The following KPNA7 variants were observed in gnomAD, a reference collection of about 807,000 sequenced individuals.
KPNA7 encodes importin subunit alpha-8.
A neutral mutation model predicts 53.7 loss-of-function variants in KPNA7; 54 were observed. The ratio of observed to expected loss-of-function variants is 1.01; its 90% confidence interval spans 0.81 to 1.26. KPNA7 has a LOEUF of 1.26. Ranked by LOEUF, KPNA7 falls within the 50% of genes most tolerant of loss-of-function variation. The pLI is 0.00. For missense variants in KPNA7, 640 were observed against 644.5 expected, an observed-to-expected ratio of 0.99 and a Z score of 0.07; for synonymous variants, 276 against 259.3, an observed-to-expected ratio of 1.06 and a Z score of -0.62.
At chr7:99,209,210 A>G (rs1790974722), upstream of KPNA7, among the ~76,000 whole-genome samples, 1 of 151,944 alleles carries the variant, frequency 6.6e-6, no homozygotes, top group East Asian at 1.9e-4. Flanking sequence ...TAAATCAGGC[A>G]TATGTACAGG....
chr7:99,176,770 T>C (rs1798923032), intron 10 of KPNA7, among the ~76,000 whole-genome samples: 1 of 152,116 alleles, frequency 6.6e-6, no homozygotes, highest in Non-Finnish European at 1.5e-5. Flanking sequence ...TCCCAGCTAC[T>C]TGGGAGCCTG....
intron 5 of KPNA7, among the ~76,000 whole-genome samples, chr7:99,194,582 T>C (rs903320092): frequency 6.6e-6 from 1 of 152,136 alleles, no homozygotes; most frequent in Non-Finnish European, 1.5e-5. Flanking sequence ...AGCTTCAATA[T>C]TTGGCCTCTA....
the KPNA7 span, among the ~76,000 whole-genome samples, chr7:99,161,994 CA>C: frequency 6.6e-6 from 1 of 150,652 alleles, no homozygotes. Flanking sequence ...CAGGAAAAAA[CA>C]GCAGATAAGT....
chr7:99,163,964 T>C, the KPNA7 span, among the ~76,000 whole-genome samples: 74,766 of 151,464 alleles, frequency 0.49, 21,355 homozygotes, highest in East Asian at 0.65. Flanking sequence ...GTTAGAATGG[T>C]GATCATTAAA....
chr7:99,206,399 T>A lies in KPNA7; in HGVS notation c.66+1002A>T, dbSNP rs556542765. Among the ~76,000 whole-genome samples, 5 of 152,136 alleles carry A rather than the reference T, an allele frequency of 3.3e-5. No individual in the cohort carries two copies. In the South Asian group the frequency reaches 1.0e-3, roughly 32 times the overall value. The stretch of plus-strand genomic sequence containing the variant: ...CTGGTCTCGAACTCCTGACCTCAAG[T>A]GATCACTTTGGCCTCCCAAAGTGCT... On this transcript the variant is annotated intron_variant, in intron 2 of 10. Coordinates refer to ENST00000327442, the MANE Select transcript of KPNA7 (RefSeq NM_001145715.3).
Position 99,196,173 on chromosome 7 carries a change from G to C in KPNA7, c.202-7C>G, listed in dbSNP as rs1461047642. 2 of 1,548,762 alleles carry C rather than the reference G, an allele frequency of 1.3e-6. No individual in the cohort carries two copies. Among genetic ancestry groups the C allele is most frequent in the African/African-American group, 2.7e-5 (2 of 72,970 alleles). On this transcript the variant is annotated splice_polypyrimidine_tract_variant and splice_region_variant and intron_variant, in intron 3 of 10. Coordinates refer to ENST00000327442, the MANE Select transcript of KPNA7 (RefSeq NM_001145715.3). ...CACCCAGAGTGAGGCTGACCTGCAA[G>C]AAGAGACACATTCAGGTCAGACTGT...
At chr7:99,195,951 G>A (rs538707623) in intron 4 of KPNA7, 133 bp downstream of exon 4, 2 of 692,694 alleles carry the variant, frequency 2.9e-6, no homozygotes, top group Admixed American at 2.5e-5. Flanking sequence ...CTTTTAGATG[G>A]GCTAGCCTTT....
At chr7:99,216,854 G>GCA (rs1192482153) in intron 1 of KPNA7, among the ~76,000 whole-genome samples, 1 of 152,194 alleles carries the variant, frequency 6.6e-6, no homozygotes, top group African/African-American at 2.4e-5. Flanking sequence ...GAGCCACCAT[G>GCA]CCCAGCCACC....
chr7:99,158,407 T>C, the KPNA7 span, among the ~76,000 whole-genome samples: 6 of 152,162 alleles, frequency 3.9e-5, no homozygotes, highest in Non-Finnish European at 7.3e-5. Context: ...CTGGACTTTA[T>C]ATAATTTGAT....
At chr7:99,193,733 A>G (rs532312543) in intron 5 of KPNA7, among the ~76,000 whole-genome samples, 61 of 151,414 alleles carry the variant, frequency 4.0e-4, no homozygotes, top group Non-Finnish European at 7.4e-4. Flanking sequence ...GCTGGAGTGC[A>G]GTGGTGCAAT....
upstream of KPNA7, among the ~76,000 whole-genome samples, chr7:99,211,453 T>TAGGGCCAA (rs1791069664): frequency 6.6e-6 from 1 of 152,082 alleles, no homozygotes; most frequent in African/African-American, 2.4e-5. Context: ...AGACTGATGT[T>TAGGGCCAA]GTAAGAAGAG....
downstream of KPNA7, among the ~76,000 whole-genome samples, chr7:99,169,209 G>A (rs1245551962): frequency 1.3e-5 from 2 of 151,926 alleles, no homozygotes; most frequent in East Asian, 3.9e-4. Flanking sequence ...TGGAATTTTA[G>A]CCCCCAGGCT....
Position 99,203,141 on chromosome 7 carries a change from C to A in KPNA7, c.166G>T (p.Asp56Tyr). The part of the protein sequence containing the change: ...KRRNITSFCP[D>Y]TPSEKTAKGV... ...TTGGCTGTTTTTTCAGAAGGTGTGT[C>A]AGGGCAGAAGCTCGTGATATTCCTT... The change falls in exon 3 of 11, where the codon GAC becomes TAC. Residue 56 changes from aspartate to tyrosine, a missense_variant. Physicochemically the swap from Asp to Tyr is radical, Grantham distance 160. Transcript: ENST00000327442. 1 of 1,551,640 alleles carries A rather than the reference C, an allele frequency of 6.4e-7. No individual in the cohort carries two copies.
At chr7:99,181,072 C>T (rs200299310) in intron 9 of KPNA7, among the ~76,000 whole-genome samples, 1 of 6,814 alleles carries the variant, frequency 1.5e-4, no homozygotes, top group Admixed American at 1.7e-3. Context: ...TCTCTCTCTC[C>T]ATCTGTGTCT....
rs184460711 is a variant in KPNA7 at position 99,202,635 on chromosome 7, A to G, written c.201+471T>C. Among the ~76,000 whole-genome samples, 20 of 152,192 alleles carry G rather than the reference A, an allele frequency of 1.3e-4. No individual in the cohort carries two copies. The East Asian group carries it at 3.9e-3, about 29-fold the overall frequency. ...TGAGACAGGCAGGTCACCTGAGTCC[A>G]GGGGTTCGAGACCCTCCTGGTAAAC... is the stretch of plus-strand genomic sequence containing the variant. On this transcript the variant is annotated intron_variant, in intron 3 of 10. Coordinates refer to ENST00000327442, the MANE Select transcript of KPNA7 (RefSeq NM_001145715.3).
At chr7:99,163,383 A>ATATTTTTTTTT in the KPNA7 span, among the ~76,000 whole-genome samples, 2 of 40,818 alleles carry the variant, frequency 4.9e-5, no homozygotes, top group African/African-American at 9.5e-5. Context: ...ATATATATAT[A>ATATTTTTTTTT]TTTTTTTTTT....
Position 99,181,115 on chromosome 7 carries a change from G to A in KPNA7, c.1317+768C>T, listed in dbSNP as rs1212886044. Among the ~76,000 whole-genome samples, 12 of 5,022 alleles carry A rather than the reference G, an allele frequency of 2.4e-3. 2 individuals are homozygous for A. Among genetic ancestry groups the A allele is most frequent in the Admixed American group, 6.2e-3 (3 of 482 alleles). 3.3% of individuals were successfully genotyped at this position (5,022 alleles called of 152,430 possible). A position where few individuals can be genotyped will look rare whatever the true frequency, so the allele number is the denominator to read the frequency against. On this transcript the variant is annotated intron_variant, in intron 9 of 10. Coordinates refer to ENST00000327442, the MANE Select transcript of KPNA7 (RefSeq NM_001145715.3). ...TCTCTCCGTCTGTGTCTCTCTCTCC[G>A]TCTGTGTCTCTCTCTCCGTCTGTGT...
chr7:99,183,474 CTT>C (rs1430811981), intron 8 of KPNA7, among the ~76,000 whole-genome samples: 2 of 152,118 alleles, frequency 1.3e-5, no homozygotes, highest in African/African-American at 4.8e-5. Context: ...TATAAATGTC[CTT>C]TGATTCATAA....
chr7:99,161,819 T>C, the KPNA7 span, among the ~76,000 whole-genome samples: 1 of 152,072 alleles, frequency 6.6e-6, no homozygotes, highest in Non-Finnish European at 1.5e-5. Flanking sequence ...AATCCACAAA[T>C]GAGGCACTTA....
Sources: allele counts gnomAD v4.1 joint callset (sites outside exome capture counted in the v4.1 genomes callset), GRCh38; gene constraint gnomAD v4.1.1; transcripts MANE v1.5; gene names NCBI Gene and HGNC (gene_info 2026-07-23, HGNC 2026-07-21).